Variants in COMMD10 observed in about 807,000 individuals in gnomAD.
COMMD10 encodes COMM domain-containing protein 10.
COMMD10 carries 33 observed loss-of-function variants against 28.9 expected under a neutral mutation model. The ratio of observed to expected loss-of-function variants is 1.14; its 90% confidence interval spans 0.87 to 1.53. COMMD10 has a LOEUF of 1.53. COMMD10 is among the 40% of genes most tolerant of loss of function. The pLI is 0.00. For missense variants in COMMD10, 310 were observed against 233.4 expected, an observed-to-expected ratio of 1.33 and a Z score of -2.14; for synonymous variants, 110 against 81.7, an observed-to-expected ratio of 1.35 and a Z score of -1.87.
intron 5 of COMMD10, among the ~76,000 whole-genome samples, chr5:116,164,451 A>G (rs1032487840): frequency 5.9e-5 from 9 of 152,348 alleles, no homozygotes; most frequent in South Asian, 2.1e-4. Context: ...AGGTAATTCT[A>G]TAATTAATTT....
rs1441611168 is a variant in COMMD10, at chr5:116,114,995, C to T, written c.400-19073C>T. Among the ~76,000 whole-genome samples, 17 of 152,116 alleles carry T rather than the reference C, an allele frequency of 1.1e-4. 1 individual carries two copies. Among genetic ancestry groups the T allele is most frequent in the Admixed American group, 1.1e-3 (17 of 15,256 alleles). ...CAGTCCTGGTTGCAGAATCCCATTT[C>T]CTACACAGGCCCCAGTTCAGCAAAC... On this transcript the variant is annotated intron_variant, in intron 4 of 6. Transcript: ENST00000274458.
At chr5:116,123,170 C>T (rs947774057) in intron 4 of COMMD10, among the ~76,000 whole-genome samples, 2 of 151,878 alleles carry the variant, frequency 1.3e-5, no homozygotes, top group Admixed American at 6.6e-5. Context: ...TATTGGAATA[C>T]CATCAATACC....
intron 4 of COMMD10, among the ~76,000 whole-genome samples, chr5:116,124,034 A>T (rs922897528): frequency 7.9e-5 from 12 of 151,490 alleles, no homozygotes; most frequent in African/African-American, 2.9e-4. Context: ...GGATTCATTG[A>T]TGTTTTGAAG....
intron 5 of COMMD10, among the ~76,000 whole-genome samples, chr5:116,239,355 A>T (rs1304087426): frequency 2.0e-5 from 3 of 152,124 alleles, no homozygotes; most frequent in Non-Finnish European, 2.9e-5. Flanking sequence ...CATTTGTGAG[A>T]GTTATTAGAA....
chr5:116,233,897 T>C (rs1243737492), intron 5 of COMMD10, among the ~76,000 whole-genome samples: 4 of 152,294 alleles, frequency 2.6e-5, no homozygotes, highest in South Asian at 4.1e-4. Context: ...GGAATTTGCA[T>C]AGAAAATCAA....
chr5:116,114,459 C>T (rs1751163088), intron 4 of COMMD10, among the ~76,000 whole-genome samples: 1 of 152,044 alleles, frequency 6.6e-6, no homozygotes. Flanking sequence ...CAGATAGAAA[C>T]CAACCGAGAG....
intron 5 of COMMD10, among the ~76,000 whole-genome samples, chr5:116,239,623 G>A (rs1749762326): frequency 6.6e-6 from 1 of 152,152 alleles, no homozygotes; most frequent in Admixed American, 6.6e-5. Context: ...GATTCATAAA[G>A]TGCTGGTCAA....
chr5:116,137,105 G>A (rs758805580), intron 5 of COMMD10, among the ~76,000 whole-genome samples: 1 of 152,034 alleles, frequency 6.6e-6, no homozygotes, highest in Non-Finnish European at 1.5e-5. Flanking sequence ...ATGAACTGCT[G>A]CCTGGAATTA....
At chr5:116,268,793 T>C (rs1750675783) in intron 5 of COMMD10, among the ~76,000 whole-genome samples, 2 of 151,954 alleles carry the variant, frequency 1.3e-5, no homozygotes, top group African/African-American at 2.4e-5. Context: ...TTATGTCCTT[T>C]GTACGGACAT....
chr5:116,102,569 A>G (rs1750698624), intron 4 of COMMD10, among the ~76,000 whole-genome samples: 1 of 151,998 alleles, frequency 6.6e-6, no homozygotes, highest in Non-Finnish European at 1.5e-5. Flanking sequence ...GAATTTTAGG[A>G]TTGTTTTTCC....
At chr5:116,271,687 T>A (rs935427969) in intron 5 of COMMD10, among the ~76,000 whole-genome samples, 1 of 151,896 alleles carries the variant, frequency 6.6e-6, no homozygotes, top group Non-Finnish European at 1.5e-5. Flanking sequence ...TATGTCTACT[T>A]GGAAGAGTTT....
intron 5 of COMMD10, among the ~76,000 whole-genome samples, chr5:116,221,301 C>T (rs1450365615): frequency 6.6e-6 from 1 of 152,116 alleles, no homozygotes; most frequent in East Asian, 1.9e-4. Flanking sequence ...TTAAAATCCC[C>T]AGCCCAGAAC....
intron 5 of COMMD10, among the ~76,000 whole-genome samples, chr5:116,282,285 A>G (rs1282359376): frequency 6.6e-6 from 1 of 151,798 alleles, no homozygotes; most frequent in Non-Finnish European, 1.5e-5. Flanking sequence ...AGAATTTTTC[A>G]CTTTTCTCTG....
chr5:116,202,371 C>G (rs1369003156), intron 5 of COMMD10, among the ~76,000 whole-genome samples: 1 of 151,812 alleles, frequency 6.6e-6, no homozygotes, highest in Non-Finnish European at 1.5e-5. Context: ...TTTATAGCAG[C>G]ATGATTTATA....
intron 5 of COMMD10, among the ~76,000 whole-genome samples, chr5:116,175,890 A>T (rs533256812): frequency 8.0e-4 from 122 of 152,236 alleles, no homozygotes; most frequent in African/African-American, 2.8e-3. Flanking sequence ...GTAGGGAGTT[A>T]TTGTTTAATG....
chr5:116,218,810 A>T (rs1437667443), intron 5 of COMMD10, among the ~76,000 whole-genome samples: 1 of 152,140 alleles, frequency 6.6e-6, no homozygotes, highest in Non-Finnish European at 1.5e-5. Flanking sequence ...TTCCTTTGTC[A>T]CTGGAAAATC....
At chr5:116,269,117 A>G (rs1361209286) in intron 5 of COMMD10, among the ~76,000 whole-genome samples, 1 of 151,784 alleles carries the variant, frequency 6.6e-6, no homozygotes, top group African/African-American at 2.4e-5. Context: ...TAAAAAGATA[A>G]AAATGCTTAA....
At chr5:116,095,040 G>A (rs1430723520) in intron 4 of COMMD10, among the ~76,000 whole-genome samples, 3 of 152,180 alleles carry the variant, frequency 2.0e-5, no homozygotes, top group African/African-American at 2.4e-5. Flanking sequence ...GGGTCGGAGG[G>A]TGGATGAGTA....
At position 116,116,267 on chromosome 5, in the gene COMMD10, A is replaced by C. The variant is rs144223590; in HGVS notation, c.400-17801A>C. On this transcript the variant is annotated intron_variant, in intron 4 of 6. Transcript: ENST00000274458. ...TGAATACCTATCTTTTATATGGAGT[A>C]TAAGAAATTATAAATTGTTACTTTA... 6.6e-5 allele frequency among the ~76,000 whole-genome samples: 10 copies of C among 152,336 alleles called. No homozygotes were observed. In the East Asian group the frequency reaches 1.9e-3, roughly 29 times the overall value.
Sources: gnomAD v4.1 joint callset for allele counts (sites outside exome capture counted in the v4.1 genomes callset) on GRCh38, gnomAD v4.1.1 for gene constraint, MANE v1.5 for transcripts, NCBI Gene and HGNC (gene_info 2026-07-23, HGNC 2026-07-21) for gene names.